The following NFIB variants were observed in gnomAD, a reference collection of about 807,000 sequenced individuals.
NFIB encodes the protein nuclear factor I B, also known as nuclear factor 1 B-type.
In NFIB, 11 loss-of-function variants were observed where a neutral mutation model predicts 61.5. The observed-to-expected ratio is 0.18, with a 90% CI of 0.11 to 0.30. The LOEUF (loss-of-function observed/expected upper bound fraction) is 0.30. NFIB is among the 10% of genes least tolerant of loss of function. NFIB has a pLI of 1.00. For synonymous variants in NFIB, 260 were observed against 216.5 expected, an observed-to-expected ratio of 1.20 and a Z score of -1.76; for missense variants, 471 against 608.9, an observed-to-expected ratio of 0.77 and a Z score of 2.38.
chr9:14,503,106 ATGTGTG>A, the NFIB span, among the ~76,000 whole-genome samples: 1 of 149,268 alleles, frequency 6.7e-6, no homozygotes, highest in Admixed American at 6.6e-5. Context: ...ATATATATAT[ATGTGTG>A]TATGTGTGTG....
Position 14,087,717 on chromosome 9 carries a change from T to C in NFIB, c.*592A>G. ...AGATTTCATATATTTTTTTTAACTT[T>C]TAGAAATCAGAGTGCTTATAAAATG... On this transcript the variant is annotated 3_prime_UTR_variant, in exon 11 of 11. Transcript: ENST00000380953. The C allele has an allele frequency of 4.6e-6, 1 of 218,076 alleles. No homozygotes were observed. The highest frequency in any genetic ancestry group is 9.3e-6 in the Non-Finnish European group (1 of 108,056). 13.5% of individuals were successfully genotyped at this position (218,076 alleles called of 1,614,324 possible). A position where few individuals can be genotyped will look rare whatever the true frequency, so the allele number is the denominator to read the frequency against.
chr9:14,361,618 T>C (rs1382327779), intron 1 of NFIB: 2 of 152,232 alleles, frequency 1.3e-5, no homozygotes, highest in East Asian at 3.8e-4. Context: ...GTCTACTCTC[T>C]TTGTAGTCTA....
chr9:14,368,347 T>C (rs544740805), intron 1 of NFIB, among the ~76,000 whole-genome samples: 1 of 152,314 alleles, frequency 6.6e-6, no homozygotes, highest in Admixed American at 6.5e-5. Flanking sequence ...TAGTTTGTAT[T>C]TCATTATTTA....
chr9:14,127,219 T>G (rs1168599166), intron 6 of NFIB, among the ~76,000 whole-genome samples: 2 of 152,244 alleles, frequency 1.3e-5, no homozygotes, highest in African/African-American at 4.8e-5. Context: ...TGCAGTTTGT[T>G]GGAATAAGCA....
Position 14,120,634 on chromosome 9 carries a change from A to G in NFIB, c.1061-10T>C, listed in dbSNP as rs1179035080. 26 of 1,586,432 alleles carry G rather than the reference A, an allele frequency of 1.6e-5. No homozygotes were observed. The highest frequency in any genetic ancestry group is 2.2e-5 in the Non-Finnish European group (26 of 1,168,168). Reference sequence around the variant, plus strand: ...GTTCGAGTTGAGATGACTGCAGAAGACAGAAAAGGAAAGATTGACTCATCA... The same window carrying G: ...GTTCGAGTTGAGATGACTGCAGAAGGCAGAAAAGGAAAGATTGACTCATCA... On this transcript the variant is annotated splice_polypyrimidine_tract_variant and intron_variant, in intron 7 of 10. Transcript: ENST00000380953. The surrounding 1 kb of genome is among the most constrained non-coding windows in gnomAD (Gnocchi z 4.4).
the NFIB span, among the ~76,000 whole-genome samples, chr9:14,406,342 C>T: frequency 6.6e-6 from 1 of 152,132 alleles, no homozygotes; most frequent in African/African-American, 2.4e-5. Flanking sequence ...TTGTTCTTGT[C>T]CCACCACTCT....
At chr9:14,301,095 T>TACC (rs948121626) in intron 2 of NFIB, among the ~76,000 whole-genome samples, 1 of 152,210 alleles carries the variant, frequency 6.6e-6, no homozygotes, top group Non-Finnish European at 1.5e-5. Flanking sequence ...GCTTCTTAGG[T>TACC]ACCACCTTAG....
At chr9:14,501,795 C>T in the NFIB span, among the ~76,000 whole-genome samples, 2 of 152,248 alleles carry the variant, frequency 1.3e-5, no homozygotes, top group African/African-American at 2.4e-5. Context: ...GACAATAGCA[C>T]CAGAGAATTT....
chr9:14,167,169 G>A (rs2044937142), intron 3 of NFIB, among the ~76,000 whole-genome samples: 1 of 151,348 alleles, frequency 6.6e-6, no homozygotes, highest in Non-Finnish European at 1.5e-5. Flanking sequence ...GTCATCTGAA[G>A]ATGAGGGTAG....
At chr9:14,179,916 A>T (rs1323706320) in intron 2 of NFIB, 136 bp from the exon 3 acceptor site, 1 of 716,104 alleles carries the variant, frequency 1.4e-6, no homozygotes, top group Non-Finnish European at 2.3e-6. Context: ...CTTTCCCAAG[A>T]CTTTTGATAG....
intron 2 of NFIB, among the ~76,000 whole-genome samples, chr9:14,181,817 C>A (rs1173291293): frequency 6.6e-6 from 1 of 152,178 alleles, no homozygotes; most frequent in African/African-American, 2.4e-5. Flanking sequence ...GACATGCACC[C>A]CTCAAGGTGG....
chr9:14,137,308 G>A (rs897720521), intron 6 of NFIB, among the ~76,000 whole-genome samples: 11 of 152,214 alleles, frequency 7.2e-5, no homozygotes, highest in South Asian at 6.2e-4. Context: ...TGAGAACTGC[G>A]CATTCCTCAG....
At chr9:14,510,994 T>C in the NFIB span, among the ~76,000 whole-genome samples, 3 of 152,210 alleles carry the variant, frequency 2.0e-5, no homozygotes, top group Non-Finnish European at 4.4e-5. Context: ...GTAACCAAAT[T>C]TGTGTCCCAC....
intron 2 of NFIB, among the ~76,000 whole-genome samples, chr9:14,281,295 A>G (rs2058356155): frequency 6.6e-6 from 1 of 152,204 alleles, no homozygotes; most frequent in Non-Finnish European, 1.5e-5. Flanking sequence ...TATTAACTGT[A>G]ATGTACTGTC....
At chr9:14,115,291 A>G (rs73409975) in intron 9 of NFIB, among the ~76,000 whole-genome samples, 12,351 of 121,710 alleles carry the variant, frequency 0.1, 1,614 homozygotes, top group African/African-American at 0.36. Context: ...GCTCTAAGAA[A>G]GAAAAAAAAA....
intron 1 of NFIB, among the ~76,000 whole-genome samples, chr9:14,376,830 T>A (rs998119368): frequency 7.7e-6 from 1 of 129,058 alleles, no homozygotes; most frequent in Non-Finnish European, 1.7e-5. Context: ...AAAGTGCCAT[T>A]TTTTTTAAAA....
intron 1 of NFIB, among the ~76,000 whole-genome samples, chr9:14,340,305 T>C (rs890281454): frequency 3.3e-5 from 5 of 152,336 alleles, no homozygotes; most frequent in African/African-American, 9.6e-5. Flanking sequence ...AGTAAAAGAA[T>C]GGGCGTTCTT....
intron 8 of NFIB, 22 bp from the exon 9 acceptor site, chr9:14,116,368 C>T (rs1417419787): frequency 6.1e-6 from 9 of 1,473,332 alleles, no homozygotes; most frequent in Non-Finnish European, 8.1e-6. Context: ...AAACAGAATG[C>T]CGGGTGAAGC....
intron 6 of NFIB, among the ~76,000 whole-genome samples, chr9:14,133,222 T>A (rs1270137709): frequency 6.6e-6 from 1 of 152,152 alleles, no homozygotes; most frequent in African/African-American, 2.4e-5. Flanking sequence ...AAACTCTGAA[T>A]ATTGAAAACC....
Sources: allele counts gnomAD v4.1 joint callset (sites outside exome capture counted in the v4.1 genomes callset), GRCh38; gene constraint gnomAD v4.1.1; non-coding constraint Gnocchi (gnomAD v3.1); transcripts MANE v1.5; gene names NCBI Gene and HGNC (gene_info 2026-07-23, HGNC 2026-07-21).